The following CHD9 variants were observed in gnomAD, a reference collection of about 807,000 sequenced individuals.
The protein encoded by CHD9 is ATP-dependent chromatin remodeler CHD9.
CHD9 carries 77 observed loss-of-function variants against 316.1 expected under a neutral mutation model. The observed-to-expected ratio is 0.24, with a 90% confidence interval of 0.20 to 0.29. The LOEUF (loss-of-function observed/expected upper bound fraction) is 0.29, where lower values mean the gene tolerates loss of function less well. Among genes scored for constraint, CHD9 ranks in the 10% least tolerant of loss-of-function variants. The pLI is 1.00. For missense variants in CHD9, 2,763 were observed against 3,438.1 expected (o/e 0.80, Z 4.91); for synonymous variants, 1,129 against 1,158.3 (o/e 0.97, Z 0.51).
At chr16:53,251,457 G>C (rs1039920695) in intron 17 of CHD9, among the ~76,000 whole-genome samples, 10 of 152,202 alleles carry the variant, frequency 6.6e-5, no homozygotes, top group African/African-American at 2.4e-4. Context: ...TACAGACTAA[G>C]ATAATATTTG....
intron 2 of CHD9, chr16:53,208,784 T>C: frequency 1.2e-6 from 1 of 822,262 alleles, no homozygotes; most frequent in Non-Finnish European, 1.5e-6. Context: ...CTTTTTAAAA[T>C]GCTCTTGATC....
In CHD9 at chr16:53,267,389, T is replaced by C; in HGVS notation, c.4416T>C (p.Ser1472=). The C allele has an allele frequency of 6.2e-7, 1 of 1,613,042 alleles. No individual in the cohort carries two copies. The change falls in exon 21 of 39, where the codon AGT becomes AGC. Residue 1472 remains serine, a synonymous_variant. Coordinates refer to ENST00000447540, the MANE Select transcript of CHD9 (RefSeq NM_001308319.2). The stretch of plus-strand genomic sequence containing the variant: ...TGGCTGAATTATCTGAAGCTGAAAG[T>C]GAAGGAGATGAAAAGCCCAAACTCC... The part of the protein sequence containing the change: ...DELAELSEAE[S]EGDEKPKLRR...
rs183527423 is a variant in CHD9, at chr16:53,252,750, C to T, written c.3862-1688C>T. On this transcript the variant is annotated intron_variant, in intron 17 of 38. Coordinates refer to ENST00000447540, the MANE Select transcript of CHD9 (RefSeq NM_001308319.2). ...AAAGTGGGCTAAGGACATGAATAGA[C>T]AATTATCAAAAGAAGATATACAAAT... 9.5e-5 allele frequency among the ~76,000 whole-genome samples: 14 copies of T among 146,636 alleles called. No homozygotes were observed. The East Asian group carries it at 2.2e-3, about 23-fold the overall frequency.
At chr16:53,232,137 T>C (rs2048229068) in intron 10 of CHD9, among the ~76,000 whole-genome samples, 3 of 152,224 alleles carry the variant, frequency 2.0e-5, no homozygotes, top group African/African-American at 7.2e-5. Context: ...TATTTTCCAG[T>C]AATGTCCGTA....
At chr16:53,142,486 G>GT in intron 1 of CHD9, among the ~76,000 whole-genome samples, 1 of 152,240 alleles carries the variant, frequency 6.6e-6, no homozygotes, top group African/African-American at 2.4e-5. Flanking sequence ...AGGTTTGTTT[G>GT]TTTTTTGTAG....
At chr16:53,250,870 G>T (rs965867518) in intron 17 of CHD9, among the ~76,000 whole-genome samples, 6 of 151,742 alleles carry the variant, frequency 4.0e-5, no homozygotes, top group African/African-American at 1.5e-4. Flanking sequence ...GGGAAAAGTA[G>T]AGTTCAATCT....
At chr16:53,083,726 C>T (rs1487645633) in intron 1 of CHD9, among the ~76,000 whole-genome samples, 1 of 151,600 alleles carries the variant, frequency 6.6e-6, no homozygotes, top group Admixed American at 6.6e-5. Flanking sequence ...AAAATAAAAG[C>T]GCCCCCACCC....
chr16:53,259,270 TATC>T (rs1414581247), intron 19 of CHD9, among the ~76,000 whole-genome samples: 1 of 152,220 alleles, frequency 6.6e-6, no homozygotes, highest in African/African-American at 2.4e-5. Flanking sequence ...AAATTAAATT[TATC>T]ATTTGTCTTA....
intron 36 of CHD9, among the ~76,000 whole-genome samples, chr16:53,316,019 A>G (rs1372115575): frequency 6.6e-6 from 1 of 152,128 alleles, no homozygotes; most frequent in Non-Finnish European, 1.5e-5. Flanking sequence ...AAATGGGCAA[A>G]TCACTTGAGT....
chr16:53,300,409 G>A (rs1424897860), intron 30 of CHD9, among the ~76,000 whole-genome samples: 14 of 148,038 alleles, frequency 9.5e-5, no homozygotes, highest in Admixed American at 8.6e-4. Flanking sequence ...TCCAACTGAT[G>A]GATACAAAAT....
chr16:53,319,798 GTC>G, intron 37 of CHD9: 1 of 1,249,978 alleles, frequency 8.0e-7, no homozygotes, highest in Non-Finnish European at 1.0e-6. Context: ...ATTGTCTTGA[GTC>G]TCTCGGGTAC....
intron 2 of CHD9, among the ~76,000 whole-genome samples, chr16:53,200,292 A>AC (rs555210873): frequency 3.7e-3 from 545 of 148,532 alleles, no homozygotes; most frequent in Middle Eastern, 0.021. Flanking sequence ...AATTGCTTGA[A>AC]CCCAGGAGGC....
intron 34 of CHD9, among the ~76,000 whole-genome samples, chr16:53,310,408 TAC>T (rs1314134653): frequency 1.3e-5 from 2 of 152,106 alleles, no homozygotes; most frequent in African/African-American, 4.8e-5. Flanking sequence ...GGCTTAATAA[TAC>T]CACTACTCTT....
intron 36 of CHD9, among the ~76,000 whole-genome samples, chr16:53,317,163 CA>C (rs537619212): frequency 5.7e-3 from 467 of 81,740 alleles, no homozygotes; most frequent in African/African-American, 0.017. Flanking sequence ...AACTCCATCT[CA>C]AAAAAAAAAA....
chr16:53,218,692 G>A (rs1374671566), intron 3 of CHD9, among the ~76,000 whole-genome samples: 1 of 152,128 alleles, frequency 6.6e-6, no homozygotes, highest in Non-Finnish European at 1.5e-5. Flanking sequence ...ATCAGAATGT[G>A]CATTCACGTA....
At chr16:53,259,154 TG>T (rs1340565366) in intron 19 of CHD9, among the ~76,000 whole-genome samples, 1 of 152,218 alleles carries the variant, frequency 6.6e-6, no homozygotes, top group African/African-American at 2.4e-5. Flanking sequence ...CATAATTGCT[TG>T]TCACAATCCT....
chr16:53,089,599 G>A (rs1235974454), intron 1 of CHD9, among the ~76,000 whole-genome samples: 1 of 152,212 alleles, frequency 6.6e-6, no homozygotes, highest in African/African-American at 2.4e-5. Flanking sequence ...TGGCAAGGTA[G>A]TGTGGACTGT....
At chr16:53,145,370 C>T (rs542448087) in intron 1 of CHD9, among the ~76,000 whole-genome samples, 5 of 151,368 alleles carry the variant, frequency 3.3e-5, no homozygotes, top group Admixed American at 6.6e-5. Context: ...AGGCTGGTCT[C>T]GAACTACCGA....
intron 27 of CHD9, among the ~76,000 whole-genome samples, chr16:53,289,381 C>G (rs960561028): frequency 2.0e-5 from 3 of 151,684 alleles, no homozygotes; most frequent in Non-Finnish European, 4.4e-5. Context: ...ATAATGGGAC[C>G]CCATCTCTAA....
Sources: allele counts gnomAD v4.1 joint callset (sites outside exome capture counted in the v4.1 genomes callset), GRCh38; gene constraint gnomAD v4.1.1; transcripts MANE v1.5; gene names NCBI Gene and HGNC (gene_info 2026-07-23, HGNC 2026-07-21).